The following UBN1 variants were observed in gnomAD, a reference collection of about 807,000 sequenced individuals.
The protein encoded by UBN1 is ubinuclein 1.
A neutral mutation model predicts 108.5 loss-of-function variants in UBN1; 17 were observed. The ratio of observed to expected loss-of-function variants is 0.16; its 90% CI spans 0.11 to 0.24. The LOEUF is 0.24. UBN1 is among the 10% of genes least tolerant of loss of function. The pLI is 1.00. For missense variants in UBN1, 1,595 were observed against 1,394.4 expected, an observed-to-expected ratio of 1.14 and a Z score of -2.29; for synonymous variants, 726 against 564.2, an observed-to-expected ratio of 1.29 and a Z score of -4.07.
Position 4,874,473 on chromosome 16 carries a change from C to T in UBN1, c.2063C>T (p.Ala688Val), listed in dbSNP as rs375306401. ...KELAALNSRA[A>V]GNSEFTLPAP... ...TTGGCTGCATTGAATAGCAGAGCAG[C>T]TGGGAACTCTGAATTCACACTGCCT... The change falls in exon 15 of 18, where the codon GCT becomes GTT. Residue 688 changes from alanine to valine, a missense_variant. Around this residue, in one of 3 missense-constraint regions of UBN1, gnomAD observed 1,398 missense variants for 1,194.7 expected, o/e 1.17. Coordinates refer to ENST00000262376, the MANE Select transcript of UBN1 (RefSeq NM_001079514.3). 28 of 1,614,116 alleles carry T rather than the reference C, an allele frequency of 1.7e-5. No individual in the cohort carries two copies. The highest frequency in any genetic ancestry group is 2.4e-5 in the Non-Finnish European group (28 of 1,180,052).
Position 4,870,922 on chromosome 16 carries a change from C to T in UBN1, c.1509C>T (p.Gly503=). The T allele has an allele frequency of 1.9e-6, 3 of 1,614,074 alleles. No homozygotes were observed. The highest frequency in any genetic ancestry group is 1.7e-6 in the Non-Finnish European group (2 of 1,180,010). ...SDEEEDEEKG[G]RRIMGPRKKF... ...AGGAAGAAGATGAAGAAAAAGGGGG[C>T]AGGAGGATAATGGGACCTCGGAAGA... The change falls in exon 11 of 18, where the codon GGC becomes GGT. Residue 503 remains glycine, a synonymous_variant. Transcript: ENST00000262376.
chr16:4,871,171 G>T lies in UBN1; in HGVS notation c.1576G>T (p.Val526Leu), dbSNP rs1235548671. 1.9e-6 allele frequency: 3 copies of T among 1,614,230 alleles called. No homozygotes were observed. In the Admixed American group the frequency reaches 5.0e-5, roughly 27 times the overall value. ...NDEIRELLCQ[V>L]VKIKLESQDL... Reference sequence around the variant, plus strand: ...CCTTCTCAGGGAGCTACTGTGCCAGGTGGTGAAGATCAAACTGGAGAGCCA... The same window carrying T: ...CCTTCTCAGGGAGCTACTGTGCCAGTTGGTGAAGATCAAACTGGAGAGCCA... Residue 526 changes from valine to leucine, a missense_variant, in exon 12 of 18, where the codon GTG (valine) becomes TTG (leucine). Val to Leu is a conservative substitution (Grantham distance 32). Transcript: ENST00000262376.
At chr16:4,858,543 G>A in intron 3 of UBN1, 25 bp from the exon 4 acceptor site, 2 of 1,601,836 alleles carry the variant, frequency 1.2e-6, no homozygotes, top group Non-Finnish European at 1.7e-6. Flanking sequence ...CAAAAAGCAT[G>A]TAATCTATTG....
rs1391414908 is a variant in UBN1 at position 4,875,198 on chromosome 16, T to G, written c.2788T>G (p.Ser930Ala). The change falls in exon 15 of 18, where the codon TCT (serine) becomes GCT (alanine). Residue 930 changes from serine (S) to alanine (A), a missense_variant. By Grantham distance (99) the Ser-to-Ala change is moderately conservative. Transcript: ENST00000262376. The stretch of plus-strand genomic sequence containing the variant: ...AGGAACACCAGTCCAGAGTTCTGTT[T>G]CTGGGAGCCTGGTCCCTGGCATACA... ...SGGTPVQSSVSGSLVPGIQPP... is the reference protein window; with the variant it reads ...SGGTPVQSSVAGSLVPGIQPP... 3 of 1,614,258 alleles carry G rather than the reference T, an allele frequency of 1.9e-6. No individual in the cohort carries two copies. Among genetic ancestry groups the G allele is most frequent in the Non-Finnish European group, 2.5e-6 (3 of 1,180,050 alleles).
intron 12 of UBN1, chr16:4,872,410 A>C: frequency 1.0e-6 from 1 of 953,528 alleles, no homozygotes; most frequent in Non-Finnish European, 1.2e-6. Flanking sequence ...AGATCCTCTC[A>C]CCAGGAATTT....
At position 4,858,603 on chromosome 16, in the gene UBN1, C is replaced by A; in HGVS notation, c.372C>A (p.Asp124Glu). The stretch of plus-strand genomic sequence containing the variant: ...AACGTAGAAAAGACCGAATACAGGA[C>A]TTGATCGATATGGGGTATGGTTATG... Reference protein sequence around the residue: ...GKKRRKDRIQDLIDMGYGYDE... With the variant: ...GKKRRKDRIQELIDMGYGYDE... Residue 124 changes from aspartate to glutamate, a missense_variant, in exon 4 of 18, where the codon GAC becomes GAA. Asp to Glu is a conservative substitution (Grantham distance 45). Transcript: ENST00000262376. 6.2e-7 allele frequency: 1 copy of A among 1,614,174 alleles called. No individual in the cohort carries two copies. The highest frequency in any genetic ancestry group is 8.5e-7 in the Non-Finnish European group (1 of 1,180,018).
Position 4,868,840 on chromosome 16 carries a change from G to T in UBN1, c.1118G>T (p.Arg373Ile), listed in dbSNP as rs2087464760. The T allele has an allele frequency of 6.2e-7, 1 of 1,613,762 alleles. No individual in the cohort carries two copies. The highest frequency in any genetic ancestry group is 1.3e-5 in the African/African-American group (1 of 74,910). ...KRVKELAQAA[R>I]AAEGESRQKF... Reference sequence around the variant, plus strand: ...CTGTCTGCTGTGCACCAGGCTGCCAGAGCTGCTGAGGGGGAGAGCAGACAG... The same window carrying T: ...CTGTCTGCTGTGCACCAGGCTGCCATAGCTGCTGAGGGGGAGAGCAGACAG... The change falls in exon 8 of 18, where the codon AGA (arginine) becomes ATA (isoleucine). Residue 373 changes from arginine (R) to isoleucine (I), a missense_variant. Arg to Ile is a moderately conservative substitution (Grantham distance 97). This residue lies in a region of UBN1 where 1,398 missense variants were observed against 1,194.7 expected (regional missense o/e 1.17). Coordinates refer to ENST00000262376, the MANE Select transcript of UBN1 (RefSeq NM_001079514.3).
intron 1 of UBN1, among the ~76,000 whole-genome samples, chr16:4,848,557 G>T (rs886953087): frequency 6.6e-6 from 1 of 152,164 alleles, no homozygotes; most frequent in African/African-American, 2.4e-5. Flanking sequence ...TAGAGATTTC[G>T]GTTGCAAGTC....
chr16:4,869,211 G>A (rs865969454), intron 8 of UBN1, among the ~76,000 whole-genome samples: 3 of 152,198 alleles, frequency 2.0e-5, no homozygotes, highest in South Asian at 2.1e-4. Flanking sequence ...GATGAGGAGA[G>A]AGAGAAGGTG....
Position 4,876,866 on chromosome 16 carries a change from C to A in UBN1, c.3025-5C>A. On this transcript the variant is annotated splice_region_variant and splice_polypyrimidine_tract_variant and intron_variant, in intron 15 of 17. Transcript: ENST00000262376. ...TTCTTACCGCTTGCTGTGTTTCTTC[C>A]CTAGAAAGGAGCGAGTGGGACTGTG... The A allele has an allele frequency of 6.3e-7, 1 of 1,577,456 alleles. No homozygotes were observed. Among genetic ancestry groups the A allele is most frequent in the Non-Finnish European group, 8.6e-7 (1 of 1,161,304 alleles).
At chr16:4,872,272 AG>A (rs983494011) in intron 12 of UBN1, 2 of 985,194 alleles carry the variant, frequency 2.0e-6, no homozygotes, top group Non-Finnish European at 2.4e-6. Flanking sequence ...CCTGGAATGG[AG>A]GGACTAGGCA....
Position 4,877,052 on chromosome 16 carries a change from C to T in UBN1, c.3206C>T (p.Ser1069Phe). 9 of 1,614,182 alleles carry T rather than the reference C, an allele frequency of 5.6e-6. No homozygotes were observed. The highest frequency in any genetic ancestry group is 7.6e-6 in the Non-Finnish European group (9 of 1,180,018). Residue 1069 changes from serine (S) to phenylalanine (F), a missense_variant, in exon 16 of 18, where the codon TCC (serine) becomes TTC (phenylalanine). By Grantham distance (155) the Ser-to-Phe change is radical. Coordinates refer to ENST00000262376, the MANE Select transcript of UBN1 (RefSeq NM_001079514.3). The surrounding 1 kb of genome is among the most constrained non-coding windows in gnomAD (Gnocchi z 4.3). ...GACTCCTCTGCCAAAGCAGGGGTCTCCAAGGATGCCATCGTCACAGGCCCT... is the reference window on the plus strand; with the variant it reads ...GACTCCTCTGCCAAAGCAGGGGTCTTCAAGGATGCCATCGTCACAGGCCCT... ...SADSSAKAGV[S>F]KDAIVTGPAP...
At chr16:4,878,018 T>TC (rs2087965466) in intron 17 of UBN1, among the ~76,000 whole-genome samples, 1 of 152,126 alleles carries the variant, frequency 6.6e-6, no homozygotes, top group African/African-American at 2.4e-5. Context: ...GTGTGAAAAC[T>TC]CCATCAGAAC....
At chr16:4,854,619 G>A (rs544475054) in intron 2 of UBN1, among the ~76,000 whole-genome samples, 39 of 150,310 alleles carry the variant, frequency 2.6e-4, no homozygotes, top group African/African-American at 8.3e-4. Context: ...ACCCACCTCC[G>A]CCTCCCAAAG....
At chr16:4,855,690 A>G (rs9745736) in intron 2 of UBN1, among the ~76,000 whole-genome samples, 85,157 of 151,134 alleles carry the variant, frequency 0.56, 25,568 homozygotes, top group African/African-American at 0.77. Context: ...TGGCCGAGGC[A>G]GGCGGATCAC....
At chr16:4,873,660 T>C (rs923852610) in intron 14 of UBN1, among the ~76,000 whole-genome samples, 3 of 152,192 alleles carry the variant, frequency 2.0e-5, no homozygotes, top group Non-Finnish European at 4.4e-5. Flanking sequence ...TAAGTATCTG[T>C]TGAGCTCCCA....
At chr16:4,854,254 C>T (rs138815605) in intron 2 of UBN1, among the ~76,000 whole-genome samples, 42 of 151,806 alleles carry the variant, frequency 2.8e-4, no homozygotes, top group Non-Finnish European at 4.4e-4. Flanking sequence ...AGGGTGGTCT[C>T]GATCTCCTGA....
rs769048250 is a variant in UBN1, at chr16:4,875,119, C to T, written c.2709C>T (p.Pro903=). The T allele has an allele frequency of 6.2e-6, 10 of 1,614,110 alleles. No homozygotes were observed. Among genetic ancestry groups the T allele is most frequent in the Non-Finnish European group, 8.5e-6 (10 of 1,180,060 alleles). ...SSAGSSYKNN[P]FASSISKHGV... is the part of the protein sequence containing the mutation. ...CAGGCTCATCTTACAAGAATAATCC[C>T]TTTGCCAGCTCAATCTCCAAACATG... The change falls in exon 15 of 18, where the codon CCC becomes CCT. Residue 903 remains proline, a synonymous_variant. Transcript: ENST00000262376.
intron 2 of UBN1, among the ~76,000 whole-genome samples, chr16:4,854,179 G>A (rs1015169646): frequency 2.0e-5 from 3 of 151,856 alleles, no homozygotes; most frequent in Non-Finnish European, 4.4e-5. Flanking sequence ...GAGTGCAGGC[G>A]TCCGCCACCA....
Sources: allele counts gnomAD v4.1 joint callset (sites outside exome capture counted in the v4.1 genomes callset), GRCh38; gene constraint gnomAD v4.1.1; regional missense constraint gnomAD v4.1.1; non-coding constraint Gnocchi (gnomAD v3.1); transcripts MANE v1.5; gene names NCBI Gene and HGNC (gene_info 2026-07-23, HGNC 2026-07-21).